The following YWHAE variants were observed in gnomAD, a reference collection of about 807,000 sequenced individuals.
YWHAE encodes the protein tyrosine 3-monooxygenase/tryptophan 5-monooxygenase activation protein epsilon, also known as 14-3-3 protein epsilon.
In YWHAE, 4 loss-of-function variants were observed where a neutral mutation model predicts 30.1. That is an observed-to-expected ratio of 0.13 (90% CI 0.07 to 0.30). The LOEUF (loss-of-function observed/expected upper bound fraction) is 0.30, where lower values mean the gene tolerates loss of function less well. YWHAE is among the 10% of genes least tolerant of loss of function. The pLI is 1.00. For missense variants in YWHAE, 121 were observed against 315.9 expected (o/e 0.38, Z 4.68); for synonymous variants, 118 against 111.8 (o/e 1.06, Z -0.35).
At chr17:1,390,627 A>C (rs1404971934) in intron 1 of YWHAE, among the ~76,000 whole-genome samples, 2 of 152,226 alleles carry the variant, frequency 1.3e-5, no homozygotes, top group African/African-American at 4.8e-5. Flanking sequence ...TAAGGAACCC[A>C]GTGATTCCTG....
intron 1 of YWHAE, among the ~76,000 whole-genome samples, chr17:1,374,501 A>G (rs1203774103): frequency 6.6e-6 from 1 of 152,130 alleles, no homozygotes; most frequent in East Asian, 1.9e-4. Flanking sequence ...CTTTTTGAGG[A>G]AGGACATCCC....
intron 1 of YWHAE, among the ~76,000 whole-genome samples, chr17:1,386,236 G>C (rs1385382192): frequency 1.3e-5 from 2 of 152,172 alleles, no homozygotes; most frequent in Non-Finnish European, 2.9e-5. Flanking sequence ...TTTTACACCA[G>C]TAGTCAGTGA....
At chr17:1,380,190 T>C (rs936206693) in intron 1 of YWHAE, among the ~76,000 whole-genome samples, 1 of 150,244 alleles carries the variant, frequency 6.7e-6, no homozygotes, top group Admixed American at 6.7e-5. Context: ...CTCGGCTCAC[T>C]GCAACCTCCG....
At chr17:1,356,301 G>A (rs997732106) in intron 4 of YWHAE, among the ~76,000 whole-genome samples, 3 of 152,068 alleles carry the variant, frequency 2.0e-5, no homozygotes, top group African/African-American at 7.2e-5. Context: ...CCTGGGAGGC[G>A]GAGGTTGCAG....
intron 1 of YWHAE, among the ~76,000 whole-genome samples, chr17:1,391,175 T>G (rs1487174784): frequency 6.6e-6 from 1 of 152,212 alleles, no homozygotes; most frequent in Non-Finnish European, 1.5e-5. Context: ...CAAGCTCTAT[T>G]TTCAGCAACT....
intron 1 of YWHAE, among the ~76,000 whole-genome samples, chr17:1,368,902 C>G (rs1567968813): frequency 6.6e-6 from 1 of 152,176 alleles, no homozygotes; most frequent in Non-Finnish European, 1.5e-5. Context: ...ATGCAGACAT[C>G]AAATACTACC....
intron 4 of YWHAE, among the ~76,000 whole-genome samples, chr17:1,358,500 A>G (rs889560440): frequency 6.7e-6 from 1 of 150,254 alleles, no homozygotes; most frequent in Admixed American, 6.6e-5. Context: ...CGGCCTCCCA[A>G]AGTGCTGGGA....
At position 1,384,430 on chromosome 17, in the gene YWHAE, G is replaced by A. The variant is rs533579410; in HGVS notation, c.64+15617C>T. Among the ~76,000 whole-genome samples the A allele has an allele frequency of 1.3e-3, 201 of 151,676 alleles. 1 individual carries two copies. Among genetic ancestry groups the A allele is most frequent in the Non-Finnish European group, 2.5e-3 (170 of 67,876 alleles). ...TGCTCGACCGGGCGCGGTGGCTCAC[G>A]CCTGTAATCCCAGCACTTTGGGAGG... On this transcript the variant is annotated intron_variant, in intron 1 of 5. Transcript: ENST00000264335.
At chr17:1,371,719 A>G (rs1466817048) in intron 1 of YWHAE, among the ~76,000 whole-genome samples, 1 of 152,190 alleles carries the variant, frequency 6.6e-6, no homozygotes, top group East Asian at 1.9e-4. Flanking sequence ...ATTTTCTTCT[A>G]ACACAAGGCT....
chr17:1,373,612 G>A (rs971956823), intron 1 of YWHAE, among the ~76,000 whole-genome samples: 2 of 151,894 alleles, frequency 1.3e-5, no homozygotes, highest in Admixed American at 1.3e-4. Context: ...AGCTTGTAGT[G>A]AGTAGAGATC....
intron 2 of YWHAE, 132 bp downstream of exon 2, chr17:1,364,727 T>A (rs1310351160): frequency 8.8e-7 from 1 of 1,129,962 alleles, no homozygotes; most frequent in Non-Finnish European, 1.3e-6. Flanking sequence ...AAGATCAATA[T>A]CAGAAACATT....
chr17:1,369,500 A>G (rs2072997484), intron 1 of YWHAE, among the ~76,000 whole-genome samples: 1 of 152,224 alleles, frequency 6.6e-6, no homozygotes, highest in Non-Finnish European at 1.5e-5. Flanking sequence ...TCTCCAAAAA[A>G]TAAATAAACT....
chr17:1,387,261 T>C (rs1257275060), intron 1 of YWHAE, among the ~76,000 whole-genome samples: 1 of 152,094 alleles, frequency 6.6e-6, no homozygotes, highest in Non-Finnish European at 1.5e-5. Context: ...AGATTTCTCC[T>C]CTCAATTTAC....
At chr17:1,364,173 CA>C (rs1264859610) in intron 2 of YWHAE, among the ~76,000 whole-genome samples, 1 of 148,810 alleles carries the variant, frequency 6.7e-6, no homozygotes, top group African/African-American at 2.5e-5. Flanking sequence ...AAATAATCCT[CA>C]GGGAAAAAAA....
At position 1,382,199 on chromosome 17, in the gene YWHAE, C is replaced by T. The variant is rs183760671; in HGVS notation, c.65-17141G>A. 1.1e-4 allele frequency among the ~76,000 whole-genome samples: 17 copies of T among 151,928 alleles called. No individual in the cohort carries two copies. In the East Asian group the frequency reaches 1.7e-3, roughly 16 times the overall value. ...ATGTAACTGGGACTTCAGGCGCCCA[C>T]CACCATGCCCGGCAAATTTTTTGTA... On this transcript the variant is annotated intron_variant, in intron 1 of 5. Transcript: ENST00000264335.
At chr17:1,360,975 A>T in intron 4 of YWHAE, 117 bp downstream of exon 4, 1 of 939,076 alleles carries the variant, frequency 1.1e-6, no homozygotes, top group Non-Finnish European at 1.6e-6. Context: ...GTAAGAGCCA[A>T]AAGAATTACT....
At chr17:1,353,334 A>C (rs1052336699) in intron 5 of YWHAE, among the ~76,000 whole-genome samples, 1 of 150,762 alleles carries the variant, frequency 6.6e-6, no homozygotes, top group African/African-American at 2.4e-5. Flanking sequence ...GCTACTCGGG[A>C]GACTGAGGTG....
chr17:1,374,403 A>G (rs1253324077), intron 1 of YWHAE, among the ~76,000 whole-genome samples: 1 of 152,146 alleles, frequency 6.6e-6, no homozygotes, highest in Non-Finnish European at 1.5e-5. Context: ...TGCTGCTACG[A>G]ACGTTCTTTA....
intron 1 of YWHAE, among the ~76,000 whole-genome samples, chr17:1,388,356 A>G (rs1003867036): frequency 1.3e-5 from 2 of 151,368 alleles, no homozygotes; most frequent in Non-Finnish European, 1.5e-5. Context: ...CTCTACTAAA[A>G]ATACAAAAAA....
Sources: allele counts gnomAD v4.1 joint callset (sites outside exome capture counted in the v4.1 genomes callset), GRCh38; gene constraint gnomAD v4.1.1; transcripts MANE v1.5; gene names NCBI Gene and HGNC (gene_info 2026-07-23, HGNC 2026-07-21).